The following FBLN7 variants were observed in gnomAD, a reference collection of about 807,000 sequenced individuals.
FBLN7 encodes the protein fibulin 7.
In FBLN7, 31 loss-of-function variants were observed where a neutral mutation model predicts 44.0. The observed-to-expected ratio is 0.70, with a 90% CI of 0.53 to 0.95. The LOEUF (loss-of-function observed/expected upper bound fraction) is 0.95. Among genes scored for constraint, FBLN7 ranks in the 40% least tolerant of loss-of-function variants. The pLI, the probability that FBLN7 is intolerant of heterozygous loss-of-function variation, is 0.00. For synonymous variants in FBLN7, 262 were observed against 253.4 expected (o/e 1.03, Z -0.32); for missense variants, 573 against 618.5 (o/e 0.93, Z 0.78).
At chr2:112,152,261 T>G (rs954309753) in intron 1 of FBLN7, 7 of 152,228 alleles carry the variant, frequency 4.6e-5, no homozygotes, top group African/African-American at 1.7e-4. Flanking sequence ...AAGTGGGTGT[T>G]GTAATGGTGC....
At chr2:112,166,985 G>A (rs1291501212) in intron 3 of FBLN7, among the ~76,000 whole-genome samples, 3 of 152,192 alleles carry the variant, frequency 2.0e-5, no homozygotes, top group Non-Finnish European at 4.4e-5. Flanking sequence ...TTGTCTCTGG[G>A]CTGTGTATCT....
intron 1 of FBLN7, among the ~76,000 whole-genome samples, chr2:112,158,637 C>T (rs1268406525): frequency 2.0e-5 from 3 of 152,024 alleles, no homozygotes; most frequent in Non-Finnish European, 4.4e-5. Context: ...CTGGGTTTCA[C>T]CATGTTGGCC....
chr2:112,140,797 G>T (rs998989578), intron 1 of FBLN7, among the ~76,000 whole-genome samples: 4 of 152,144 alleles, frequency 2.6e-5, no homozygotes, highest in South Asian at 2.1e-4. Context: ...GGCCCGGGAG[G>T]TTTCCGAAGC....
the FBLN7 span, among the ~76,000 whole-genome samples, chr2:112,240,689 T>A: frequency 6.6e-6 from 1 of 152,190 alleles, no homozygotes; most frequent in Non-Finnish European, 1.5e-5. Context: ...TGTTTTATTA[T>A]ACAGTAGGGA....
the FBLN7 span, among the ~76,000 whole-genome samples, chr2:112,203,345 T>C: frequency 6.6e-6 from 1 of 152,132 alleles, no homozygotes; most frequent in Non-Finnish European, 1.5e-5. Flanking sequence ...TTTGAGAAAA[T>C]CTCTGCCCAA....
chr2:112,148,327 A>G lies in FBLN7; in HGVS notation c.75+9597A>G, dbSNP rs370851729. Among the ~76,000 whole-genome samples the G allele has an allele frequency of 4.6e-5, 7 of 152,194 alleles. No homozygotes were observed. In the East Asian group the frequency reaches 1.2e-3, roughly 25 times the overall value. ...ATCCTAGCACCAGGAGTGTTCACTA[A>G]CCCTGAAGTAGAGATTTTAATACTA... On this transcript the variant is annotated intron_variant, in intron 1 of 7. Coordinates refer to ENST00000331203, the MANE Select transcript of FBLN7 (RefSeq NM_153214.3).
rs140178022 is a variant in FBLN7, at chr2:112,187,431, G to A, written c.1245G>A (p.Ser415=). 5.2e-5 allele frequency: 84 copies of A among 1,614,150 alleles called. No individual in the cohort carries two copies. The African/African-American group carries it at 8.9e-4, about 17-fold the overall frequency. The change falls in exon 8 of 8, where the codon TCG becomes TCA. Residue 415 remains serine (S), a synonymous_variant. Transcript: ENST00000331203. The surrounding 1 kb of genome is among the most constrained non-coding windows in gnomAD (Gnocchi z 5.1). The part of the protein sequence containing the change: ...PQTLEVDVDM[S]EYLDRSFQAN... ...CGCTGGAGGTGGACGTCGACATGTC[G>A]GAATACCTGGACCGCTCCTTCCAGG... is the stretch of plus-strand genomic sequence containing the variant.
chr2:112,196,374 CTTTTT>C, the FBLN7 span, among the ~76,000 whole-genome samples: 5 of 63,266 alleles, frequency 7.9e-5, no homozygotes, highest in Admixed American at 2.3e-4. Context: ...TCTTCTTCTT[CTTTTT>C]TTTTTTTTTT....
At chr2:112,221,356 T>A in the FBLN7 span, among the ~76,000 whole-genome samples, 97 of 152,246 alleles carry the variant, frequency 6.4e-4, no homozygotes, top group African/African-American at 2.2e-3. Flanking sequence ...CCCCACTCTC[T>A]CTCTCTTGCT....
intron 1 of FBLN7, among the ~76,000 whole-genome samples, chr2:112,140,444 C>A (rs536975779): frequency 6.6e-6 from 1 of 152,324 alleles, no homozygotes; most frequent in South Asian, 2.1e-4. Context: ...GAGCTCGGAG[C>A]GATGCCTGGG....
At chr2:112,197,294 G>GAC in the FBLN7 span, among the ~76,000 whole-genome samples, 1 of 149,162 alleles carries the variant, frequency 6.7e-6, no homozygotes, top group Non-Finnish European at 1.5e-5. Flanking sequence ...GAGAGAGAGA[G>GAC]AGAGAGAGAG....
intron 4 of FBLN7, chr2:112,177,473 G>A (rs189198097): frequency 6.6e-6 from 1 of 152,310 alleles, no homozygotes; most frequent in East Asian, 1.9e-4. Flanking sequence ...GTTCCCTGGA[G>A]GAGCATCCCT....
At chr2:112,231,901 C>T in the FBLN7 span, 1 of 1,587,832 alleles carries the variant, frequency 6.3e-7, no homozygotes, top group Admixed American at 1.7e-5. Flanking sequence ...AGTATTCTCC[C>T]TGATAACATT....
intron 1 of FBLN7, among the ~76,000 whole-genome samples, chr2:112,146,140 G>A (rs981198589): frequency 6.6e-6 from 1 of 152,186 alleles, no homozygotes; most frequent in Non-Finnish European, 1.5e-5. Flanking sequence ...GGCAAACATG[G>A]TGAAACCCCG....
chr2:112,142,348 TC>T, intron 1 of FBLN7, among the ~76,000 whole-genome samples: 1 of 152,338 alleles, frequency 6.6e-6, no homozygotes, highest in African/African-American at 2.4e-5. Flanking sequence ...GTAGTACCGA[TC>T]ATCATTTGTA....
At position 112,187,026 on chromosome 2, in the gene FBLN7, A is replaced by T; in HGVS notation, c.948-108A>T. 7.2e-7 allele frequency: 1 copy of T among 1,381,392 alleles called. No individual in the cohort carries two copies. The allele number at this position is 1,381,392 out of a possible 1,614,324, so 85.6% of individuals were successfully genotyped here. A position where few individuals can be genotyped will look rare whatever the true frequency, so the allele number is the denominator to read the frequency against. On this transcript the variant is annotated intron_variant, in intron 7 of 7. Transcript: ENST00000331203. This position sits in a 1 kb window ranked among gnomAD's most constrained non-coding sequence, Gnocchi z 5.1. ...TGGGTGAAGGACCCGTGGCTGGGAA[A>T]GGTCATCTAGGTGGCCTCTGCAAGA...
downstream of FBLN7, among the ~76,000 whole-genome samples, chr2:112,191,375 C>T (rs919181217): frequency 2.0e-5 from 3 of 152,036 alleles, no homozygotes; most frequent in African/African-American, 7.2e-5. Flanking sequence ...AGGGTTTTGC[C>T]ACGTTGGCCA....
At position 112,138,537 on chromosome 2, in the gene FBLN7, G is replaced by C. The variant is rs1573747525; in HGVS notation, c.-119G>C. The stretch of plus-strand genomic sequence containing the variant: ...TCCCGCCTCCCCCCCTGCCCCAGCC[G>C]CCCCCCGGCCGCGCGGCGCCCCGCA... On this transcript the variant is annotated 5_prime_UTR_variant, in exon 1 of 8. Coordinates refer to ENST00000331203, the MANE Select transcript of FBLN7 (RefSeq NM_153214.3). 44 of 1,184,242 alleles carry C rather than the reference G, an allele frequency of 3.7e-5. No individual in the cohort carries two copies. Among genetic ancestry groups the C allele is most frequent in the East Asian group, 1.8e-4 (4 of 22,282 alleles). 73.4% of individuals were successfully genotyped at this position (1,184,242 alleles called of 1,614,324 possible).
chr2:112,232,024 CTAAA>C, the FBLN7 span: 3 of 862,142 alleles, frequency 3.5e-6, no homozygotes, highest in East Asian at 6.0e-5. Context: ...TTTATTTTTC[CTAAA>C]TAAAGACCTC....
Sources: allele counts gnomAD v4.1 joint callset (sites outside exome capture counted in the v4.1 genomes callset), GRCh38; gene constraint gnomAD v4.1.1; non-coding constraint Gnocchi (gnomAD v3.1); transcripts MANE v1.5; gene names NCBI Gene and HGNC (gene_info 2026-07-23, HGNC 2026-07-21).